Variants in ZBTB17 observed in about 807,000 individuals in gnomAD.
ZBTB17 encodes the protein zinc finger and BTB domain containing 17, also known as zinc finger and BTB domain-containing protein 17.
A neutral mutation model predicts 85.1 loss-of-function variants in ZBTB17; 24 were observed. The observed-to-expected ratio is 0.28, with a 90% CI of 0.20 to 0.40. The LOEUF (loss-of-function observed/expected upper bound fraction) is 0.40, where lower values mean the gene tolerates loss of function less well. Among genes scored for constraint, ZBTB17 ranks in the 10% least tolerant of loss-of-function variants. ZBTB17 has a pLI of 1.00. For synonymous variants in ZBTB17, 464 were observed against 460.2 expected (o/e 1.01, Z -0.11); for missense variants, 743 against 1,105.1 (o/e 0.67, Z 4.65).
In ZBTB17 at chr1:15,957,264, A is replaced by C. The variant is rs2148790014; in HGVS notation, c.-2-8767T>G. On this transcript the variant is annotated intron_variant, in intron 2 of 15. Coordinates refer to ENST00000375743, the MANE Select transcript of ZBTB17 (RefSeq NM_003443.3). ...TTAAGCAAAGACCTGAATGAGGTTTAAGAGGGAGCTAGGCCACTGTATGCC... is the reference window on the plus strand; with the variant it reads ...TTAAGCAAAGACCTGAATGAGGTTTCAGAGGGAGCTAGGCCACTGTATGCC... Among the ~76,000 whole-genome samples, 3 of 152,216 alleles carry C rather than the reference A, an allele frequency of 2.0e-5. No individual in the cohort carries two copies. The Middle Eastern group carries it at 0.01, about 521-fold the overall frequency.
In ZBTB17 at chr1:15,941,948, ACAGT is replaced by A. The variant is rs769327064; in HGVS notation, c.*17_*20del. ...CAGGGTGCCATCCATCCTTAAATAAACAGTCAGAAGGGCCGCCAGCTCACTCGGC... is the reference window on the plus strand; with the variant it reads ...CAGGGTGCCATCCATCCTTAAATAAACAGAAGGGCCGCCAGCTCACTCGGC... On this transcript the variant is annotated 3_prime_UTR_variant, in exon 16 of 16. Coordinates refer to ENST00000375743, the MANE Select transcript of ZBTB17 (RefSeq NM_003443.3). The A allele has an allele frequency of 5.6e-5, 89 of 1,579,758 alleles. No homozygotes were observed. Among genetic ancestry groups the A allele is most frequent in the East Asian group, 1.8e-4 (8 of 44,504 alleles).
rs1010449334 is a variant in ZBTB17, at chr1:15,973,170, G to A, written c.-89-45C>T. ...GTGGAAAATCTGATGAGAACCTAAA[G>A]GGTACCTGCTCCCTCAGAGCTGCCT... On this transcript the variant is annotated intron_variant, in intron 1 of 15. Coordinates refer to ENST00000375743, the MANE Select transcript of ZBTB17 (RefSeq NM_003443.3). The surrounding 1 kb of genome is among the most constrained non-coding windows in gnomAD (Gnocchi z 4.1). 2 of 152,186 alleles carry A rather than the reference G, an allele frequency of 1.3e-5. No individual in the cohort carries two copies. The highest frequency in any genetic ancestry group is 4.8e-5 in the African/African-American group (2 of 41,434). The allele number at this position is 152,186 out of a possible 1,614,324, so 9.4% of individuals were successfully genotyped here.
Position 15,945,074 on chromosome 1 carries a change from C to CG in ZBTB17, c.789dup (p.Glu264ArgfsTer6). ...GCTGACTCCTCATTCTCGTTCTCCTCGGGGGCCTCTCCGTTCTCCAGCTGG... is the reference window on the plus strand; with the variant it reads ...GCTGACTCCTCATTCTCGTTCTCCTCGGGGGGCCTCTCCGTTCTCCAGCTGG... On this transcript the variant is annotated frameshift_variant, in exon 7 of 16. Transcript: ENST00000375743. LOFTEE classifies it high-confidence loss of function. 6.2e-7 allele frequency: 1 copy of CG among 1,611,706 alleles called. No individual in the cohort carries two copies.
At chr1:15,970,154 T>C in intron 2 of ZBTB17, 1 of 569,426 alleles carries the variant, frequency 1.8e-6, no homozygotes, top group African/African-American at 1.9e-5. Flanking sequence ...ATCAATTTCT[T>C]TACAATAGTA....
In ZBTB17 at chr1:15,943,824, C is replaced by T; in HGVS notation, c.1443G>A (p.Lys481=). ...DGPLKCRECG[K]QFTTSGNLKR... ...TGGCCCTACCTGAGGTGGTGAACTGCTTCCCACACTCTCGGCACTTGAGGG... is the reference window on the plus strand; with the variant it reads ...TGGCCCTACCTGAGGTGGTGAACTGTTTCCCACACTCTCGGCACTTGAGGG... Residue 481 remains lysine (K), a synonymous_variant, in exon 10 of 16, where the codon AAG becomes AAA. Transcript: ENST00000375743. The T allele has an allele frequency of 6.2e-7, 1 of 1,612,220 alleles. No individual in the cohort carries two copies.
chr1:15,947,539 G>A (rs2071659230), intron 3 of ZBTB17, among the ~76,000 whole-genome samples: 1 of 151,994 alleles, frequency 6.6e-6, no homozygotes, highest in East Asian at 1.9e-4. Context: ...GGGTATAAAT[G>A]CCCATCCTGC....
chr1:15,950,788 T>C (rs2071805053), intron 2 of ZBTB17, among the ~76,000 whole-genome samples: 1 of 152,102 alleles, frequency 6.6e-6, no homozygotes, highest in South Asian at 2.1e-4. Flanking sequence ...AAGAGACATG[T>C]GAGGAGACTC....
intron 2 of ZBTB17, among the ~76,000 whole-genome samples, chr1:15,959,126 C>T (rs2072157229): frequency 6.6e-6 from 1 of 152,174 alleles, no homozygotes; most frequent in Non-Finnish European, 1.5e-5. Flanking sequence ...AGTGGCCTTC[C>T]CACTAAATAC....
At chr1:15,957,695 T>C (rs371354799) in intron 2 of ZBTB17, among the ~76,000 whole-genome samples, 2 of 152,178 alleles carry the variant, frequency 1.3e-5, no homozygotes, top group East Asian at 3.9e-4. Flanking sequence ...GAGACAGCAG[T>C]GGCCTCACCA....
rs879579087 is a variant in ZBTB17 at position 15,965,113 on chromosome 1, CAAAA to C, written c.-3+7922_-3+7925del. ...GGGGCAACAGAGTGAGACTCCGTAT[CAAAA>C]AAAAAAAAAAAAGAATTTCTGCTCA... is the stretch of plus-strand genomic sequence containing the variant. On this transcript the variant is annotated intron_variant, in intron 2 of 15. Transcript: ENST00000375743. Among the ~76,000 whole-genome samples the C allele has an allele frequency of 7.9e-4, 49 of 61,828 alleles. 1 individual carries two copies. The allele number at this position is 61,828 out of a possible 152,430, so 40.6% of individuals were successfully genotyped here.
chr1:15,945,913 G>A (rs941045577), intron 5 of ZBTB17, 73 bp from the exon 6 acceptor site: 30 of 1,564,266 alleles, frequency 1.9e-5, no homozygotes, highest in South Asian at 1.7e-4. Flanking sequence ...CTGGACCAGC[G>A]CGCTGGTGGT....
chr1:15,945,680 C>G (rs1213304707), intron 6 of ZBTB17, 35 bp downstream of exon 6: 1 of 1,603,268 alleles, frequency 6.2e-7, no homozygotes, highest in Non-Finnish European at 8.5e-7. Flanking sequence ...GGAGGATGCA[C>G]CAGGTAGGGC....
intron 6 of ZBTB17, 73 bp downstream of exon 6, chr1:15,945,642 C>T: frequency 6.3e-7 from 1 of 1,580,808 alleles, no homozygotes; most frequent in Non-Finnish European, 8.6e-7. Flanking sequence ...AGAGGGAGGC[C>T]CCAGTGCGCA....
intron 2 of ZBTB17, among the ~76,000 whole-genome samples, chr1:15,968,153 CAG>C (rs1199775611): frequency 2.0e-5 from 3 of 152,174 alleles, no homozygotes; most frequent in Non-Finnish European, 2.9e-5. Context: ...GACAAAAAGA[CAG>C]AGAAACCATC....
chr1:15,945,284 G>C, intron 6 of ZBTB17, 82 bp from the exon 7 acceptor site: 1 of 1,509,158 alleles, frequency 6.6e-7, no homozygotes, highest in Non-Finnish European at 8.8e-7. Flanking sequence ...ATGTGGAAGG[G>C]ACAGTAAATG....
chr1:15,962,063 CG>C (rs1420215054), intron 2 of ZBTB17, among the ~76,000 whole-genome samples: 5 of 151,818 alleles, frequency 3.3e-5, no homozygotes, highest in African/African-American at 9.7e-5. Context: ...ATAATTTAGC[CG>C]GGTGTGGTGG....
rs140999628 is a variant in ZBTB17, at chr1:15,944,513, G to A, written c.1158C>T (p.Gly386=). The A allele has an allele frequency of 5.7e-6, 9 of 1,586,536 alleles. No homozygotes were observed. Among genetic ancestry groups the A allele is most frequent in the Admixed American group, 3.6e-5 (2 of 56,210 alleles). Residue 386 remains glycine (G), a synonymous_variant, in exon 9 of 16, where the codon GGC becomes GGT. Coordinates refer to ENST00000375743, the MANE Select transcript of ZBTB17 (RefSeq NM_003443.3). ...AGTCCTCGCAGCGGTAGCGCGCCTCGCCCGAGTGCCGCTTCTTGTGCAGGT... is the reference window on the plus strand; with the variant it reads ...AGTCCTCGCAGCGGTAGCGCGCCTCACCCGAGTGCCGCTTCTTGTGCAGGT... ...LLNLHKKRHS[G]EARYRCEDCG... is the part of the protein sequence containing the mutation.
chr1:15,971,180 T>G (rs764683795), intron 2 of ZBTB17, among the ~76,000 whole-genome samples: 7 of 151,580 alleles, frequency 4.6e-5, no homozygotes, highest in Non-Finnish European at 1.0e-4. Flanking sequence ...AAGAAGCCAA[T>G]AGATCAAAAC....
At chr1:15,955,125 GC>G (rs1428391825) in intron 2 of ZBTB17, among the ~76,000 whole-genome samples, 3 of 152,324 alleles carry the variant, frequency 2.0e-5, no homozygotes, top group Middle Eastern at 6.8e-3. Flanking sequence ...CTGCACTCCA[GC>G]CTGGGCCACA....
Sources: allele counts gnomAD v4.1 joint callset (sites outside exome capture counted in the v4.1 genomes callset), GRCh38; gene constraint gnomAD v4.1.1; non-coding constraint Gnocchi (gnomAD v3.1); transcripts MANE v1.5; gene names NCBI Gene and HGNC (gene_info 2026-07-23, HGNC 2026-07-21).